The following ANKRD29 variants were observed in gnomAD, a reference collection of about 807,000 sequenced individuals.
ANKRD29 encodes ankyrin repeat domain 29, also known as ankyrin repeat domain-containing protein 29.
In ANKRD29, 32 loss-of-function variants were observed where a neutral mutation model predicts 38.0. That is an observed-to-expected ratio of 0.84 (90% confidence interval 0.64 to 1.13). ANKRD29 has a LOEUF of 1.13. Among genes scored for constraint, ANKRD29 ranks in the 50% most tolerant of loss-of-function variants. ANKRD29 has a pLI of 0.00. For synonymous variants in ANKRD29, 135 were observed against 152.4 expected, an observed-to-expected ratio of 0.89 and a Z score of 0.84; for missense variants, 357 against 377.9, an observed-to-expected ratio of 0.94 and a Z score of 0.46.
At chr18:23,662,653 C>T (rs1398218587) in intron 1 of ANKRD29, 57 bp downstream of exon 1, 3 of 1,274,988 alleles carry the variant, frequency 2.4e-6, no homozygotes, top group African/African-American at 3.2e-5. Flanking sequence ...CCCGACCCCG[C>T]GGGCCCGGCC....
At chr18:23,636,898 T>C (rs1235006433) in intron 4 of ANKRD29, among the ~76,000 whole-genome samples, 1 of 152,156 alleles carries the variant, frequency 6.6e-6, no homozygotes, top group Non-Finnish European at 1.5e-5. Context: ...TTTTGGGGCA[T>C]ATAGATTTAG....
Position 23,619,534 on chromosome 18 carries a change from C to T in ANKRD29, c.624G>A (p.Arg208=). The T allele has an allele frequency of 6.3e-7, 1 of 1,589,772 alleles. No individual in the cohort carries two copies. The highest frequency in any genetic ancestry group is 2.3e-5 in the East Asian group (1 of 44,312). The change falls in exon 7 of 10, where the codon CGG becomes CGA. Residue 208 remains arginine (R), a synonymous_variant. Transcript: ENST00000592179. ...GCCGCGCGACTCGGGCACTCACGTT[C>T]CGCGCAGCGTCGCGGTCGGCTCCGC... ...LLRGADRDAA[R]NDGTTALLKA...
At chr18:23,660,519 T>C (rs1268448804) in intron 1 of ANKRD29, among the ~76,000 whole-genome samples, 1 of 152,180 alleles carries the variant, frequency 6.6e-6, no homozygotes, top group African/African-American at 2.4e-5. Context: ...TTAAAAAGAA[T>C]CTCTGGGTTG....
intron 4 of ANKRD29, among the ~76,000 whole-genome samples, chr18:23,637,967 T>A (rs1403303339): frequency 6.6e-6 from 1 of 150,726 alleles, no homozygotes; most frequent in Non-Finnish European, 1.5e-5. Context: ...TTCTTATCTA[T>A]ATGTCAAAAA....
chr18:23,658,134 G>T (rs1245821884), intron 1 of ANKRD29, among the ~76,000 whole-genome samples: 5 of 152,186 alleles, frequency 3.3e-5, no homozygotes, highest in Non-Finnish European at 5.9e-5. Context: ...GACTAGGCAT[G>T]GTGGCTCACA....
intron 3 of ANKRD29, among the ~76,000 whole-genome samples, chr18:23,642,957 T>TA (rs1299354629): frequency 6.6e-6 from 1 of 152,206 alleles, no homozygotes; most frequent in Admixed American, 6.5e-5. Context: ...AAAAAGACCC[T>TA]ATAAAACAAA....
In ANKRD29 at chr18:23,601,178, G is replaced by T; in HGVS notation, c.*48C>A. 1 of 1,526,216 alleles carries T rather than the reference G, an allele frequency of 6.6e-7. No homozygotes were observed. The highest frequency in any genetic ancestry group is 9.0e-7 in the Non-Finnish European group (1 of 1,108,802). 94.5% of individuals were successfully genotyped at this position (1,526,216 alleles called of 1,614,324 possible). A position where few individuals can be genotyped will look rare whatever the true frequency, so the allele number is the denominator to read the frequency against. ...ACTGCTTGAAATGCAATTTCTTTTT[G>T]GACAATGTGGTTAAGCTTTCTATCT... On this transcript the variant is annotated 3_prime_UTR_variant, in exon 10 of 10. Coordinates refer to ENST00000592179, the MANE Select transcript of ANKRD29 (RefSeq NM_173505.4).
At chr18:23,662,640 C>A (rs1042020608) in intron 1 of ANKRD29, 70 bp downstream of exon 1, 7 of 609,718 alleles carry the variant, frequency 1.1e-5, no homozygotes, top group South Asian at 2.4e-5. Context: ...CCATCCCACC[C>A]CACCCGACCC....
In ANKRD29 at chr18:23,599,959, A is replaced by G. The variant is rs962184429; in HGVS notation, c.*1267T>C. On this transcript the variant is annotated 3_prime_UTR_variant, in exon 10 of 10. Transcript: ENST00000592179. ...CATTTTCCTCTAAAAGTGTCTTTAC[A>G]TAGACACTGACTGAAAACCAGAGCA... 6.6e-6 allele frequency: 1 copy of G among 152,262 alleles called. No individual in the cohort carries two copies. The highest frequency in any genetic ancestry group is 1.5e-5 in the Non-Finnish European group (1 of 68,056). 9.4% of individuals were successfully genotyped at this position (152,262 alleles called of 1,614,324 possible). A position where few individuals can be genotyped will look rare whatever the true frequency, so the allele number is the denominator to read the frequency against.
intron 9 of ANKRD29, among the ~76,000 whole-genome samples, chr18:23,611,024 C>T (rs1354425514): frequency 2.0e-5 from 3 of 152,240 alleles, no homozygotes; most frequent in Non-Finnish European, 4.4e-5. Context: ...TCCTCTGCTG[C>T]AATCTATACA....
intron 3 of ANKRD29, 101 bp downstream of exon 3, chr18:23,646,088 A>G (rs1025292913): frequency 3.7e-6 from 4 of 1,093,072 alleles, no homozygotes; most frequent in Non-Finnish European, 4.0e-6. Flanking sequence ...AATGTGGGAG[A>G]AAAGCAATGA....
intron 6 of ANKRD29, 134 bp from the exon 7 acceptor site, chr18:23,619,763 A>G: frequency 1.5e-6 from 1 of 686,968 alleles, no homozygotes; most frequent in South Asian, 2.0e-5. Context: ...CACACTCTGC[A>G]GCTGATCCAC....
At chr18:23,629,229 C>T (rs1385893178) in intron 6 of ANKRD29, among the ~76,000 whole-genome samples, 1 of 152,290 alleles carries the variant, frequency 6.6e-6, no homozygotes, top group African/African-American at 2.4e-5. Flanking sequence ...AAGTGATCCT[C>T]CTGCCTCGGC....
At chr18:23,627,295 A>G (rs545756018) in intron 6 of ANKRD29, among the ~76,000 whole-genome samples, 2 of 152,342 alleles carry the variant, frequency 1.3e-5, no homozygotes, top group African/African-American at 4.8e-5. Flanking sequence ...ATTTTATAAG[A>G]CACCCTTTTC....
chr18:23,660,077 C>T (rs1363935164), intron 1 of ANKRD29, among the ~76,000 whole-genome samples: 1 of 152,158 alleles, frequency 6.6e-6, no homozygotes, highest in Non-Finnish European at 1.5e-5. Context: ...TGCCATTGCA[C>T]TCCAGCCTGG....
At chr18:23,618,356 T>G (rs1452800665) in intron 7 of ANKRD29, among the ~76,000 whole-genome samples, 2 of 152,206 alleles carry the variant, frequency 1.3e-5, no homozygotes, top group Non-Finnish European at 1.5e-5. Flanking sequence ...GTGCAGTGGC[T>G]CACGCCTGTA....
Position 23,638,941 on chromosome 18 carries a change from T to A in ANKRD29, c.238A>T (p.Thr80Ser). The A allele has an allele frequency of 6.2e-7, 1 of 1,606,264 alleles. No individual in the cohort carries two copies. The highest frequency in any genetic ancestry group is 8.5e-7 in the Non-Finnish European group (1 of 1,177,604). The change falls in exon 4 of 10, where the codon ACA (threonine) becomes TCA (serine). Residue 80 changes from threonine (T) to serine (S), a missense_variant. Physicochemically the swap from Thr to Ser is moderately conservative, Grantham distance 58. Transcript: ENST00000592179. Reference sequence around the variant, plus strand: ...TGGGCGGCAAAGAATAGGGCAGTTGTACCTGACTGGGAGAGAGGGAGAGGC... The same window carrying A: ...TGGGCGGCAAAGAATAGGGCAGTTGAACCTGACTGGGAGAGAGGGAGAGGC... ...ADINLQRESG[T>S]TALFFAAQQG... is the part of the protein sequence containing the mutation.
At chr18:23,629,021 A>G (rs1185192876) in intron 6 of ANKRD29, among the ~76,000 whole-genome samples, 1 of 152,086 alleles carries the variant, frequency 6.6e-6, no homozygotes, top group Non-Finnish European at 1.5e-5. Context: ...GTCTTGTTCT[A>G]TTGCCAAGAC....
Position 23,599,178 on chromosome 18 carries a change from G to C in ANKRD29, c.*2048C>G, listed in dbSNP as rs2059485691. ...TTCCGTACAGTCTTTGGTAGGTGAT[G>C]ATTCATTTTCCCTGCTATGGGTAAT... On this transcript the variant is annotated 3_prime_UTR_variant, in exon 10 of 10. Transcript: ENST00000592179. 1 of 152,172 alleles carries C rather than the reference G, an allele frequency of 6.6e-6. No homozygotes were observed. The highest frequency in any genetic ancestry group is 1.5e-5 in the Non-Finnish European group (1 of 68,050). The allele number at this position is 152,172 out of a possible 1,614,324, so 9.4% of individuals were successfully genotyped here.
Sources: gnomAD v4.1 joint callset for allele counts (sites outside exome capture counted in the v4.1 genomes callset) on GRCh38, gnomAD v4.1.1 for gene constraint, MANE v1.5 for transcripts, NCBI Gene and HGNC (gene_info 2026-07-23, HGNC 2026-07-21) for gene names.